The following ARHGAP32 variants were observed in gnomAD, a reference collection of about 807,000 sequenced individuals.
ARHGAP32 encodes the protein rho GTPase-activating protein 32.
In ARHGAP32, 51 loss-of-function variants were observed where a neutral mutation model predicts 186.5. The observed-to-expected ratio is 0.27, with a 90% CI of 0.22 to 0.35. The LOEUF (loss-of-function observed/expected upper bound fraction) is 0.35, where lower values mean the gene tolerates loss of function less well. Among genes scored for constraint, ARHGAP32 ranks in the 10% least tolerant of loss-of-function variants. The pLI is 1.00. For synonymous variants in ARHGAP32, 950 were observed against 964.3 expected, an observed-to-expected ratio of 0.99 and a Z score of 0.27; for missense variants, 2,186 against 2,623.5, an observed-to-expected ratio of 0.83 and a Z score of 3.64.
chr11:129,226,164 C>A (rs749463358), intron 1 of ARHGAP32, among the ~76,000 whole-genome samples: 26 of 152,146 alleles, frequency 1.7e-4, no homozygotes, highest in Admixed American at 2.6e-4. Context: ...AGGACACCAT[C>A]AAGCACACTT....
At chr11:129,229,739 TTCACTTGCA>T (rs1944833472) in intron 1 of ARHGAP32, among the ~76,000 whole-genome samples, 1 of 152,186 alleles carries the variant, frequency 6.6e-6, no homozygotes, top group East Asian at 1.9e-4. Flanking sequence ...CTTAAGGATT[TTCACTTGCA>T]TCACTTTTGG....
chr11:129,018,706 A>C (rs1391970499), intron 11 of ARHGAP32, among the ~76,000 whole-genome samples: 2 of 152,154 alleles, frequency 1.3e-5, no homozygotes, highest in Non-Finnish European at 2.9e-5. Context: ...AAATAACTGG[A>C]CTCAAATTAA....
chr11:129,194,142 T>A (rs764397104), upstream of ARHGAP32, among the ~76,000 whole-genome samples: 1 of 152,130 alleles, frequency 6.6e-6, no homozygotes, highest in Non-Finnish European at 1.5e-5. Context: ...AACATGCCTG[T>A]CAGTGGGAGT....
chr11:129,278,651 G>C (rs1004274554), intron 1 of ARHGAP32, among the ~76,000 whole-genome samples: 2 of 152,074 alleles, frequency 1.3e-5, no homozygotes, highest in African/African-American at 4.8e-5. Context: ...AAGACGAGGG[G>C]GGAACTCCAC....
intron 1 of ARHGAP32, among the ~76,000 whole-genome samples, chr11:129,199,744 C>G (rs1468865552): frequency 1.3e-5 from 2 of 152,248 alleles, no homozygotes; most frequent in Non-Finnish European, 2.9e-5. Context: ...CCCCACTGGG[C>G]ACTGCCTAGT....
chr11:129,236,959 G>A (rs1028950666), intron 1 of ARHGAP32, among the ~76,000 whole-genome samples: 1 of 152,170 alleles, frequency 6.6e-6, no homozygotes, highest in African/African-American at 2.4e-5. Flanking sequence ...TCATCATAAA[G>A]GGATGCTGGA....
In ARHGAP32 at chr11:129,076,344, A is replaced by G. The variant is rs1248582006; in HGVS notation, c.532-9476T>C. Among the ~76,000 whole-genome samples, 7 of 152,268 alleles carry G rather than the reference A, an allele frequency of 4.6e-5. No homozygotes were observed. In the East Asian group the frequency reaches 9.7e-4, roughly 21 times the overall value. On this transcript the variant is annotated intron_variant, in intron 6 of 22. Coordinates refer to ENST00000682385, the MANE Select transcript of ARHGAP32 (RefSeq NM_001378024.1). ...TCTTTATTCCTTTATTTTTCTAATA[A>G]ACTTGCTTTCACGTTATGGGCTCTC...
At chr11:129,144,717 C>A (rs1943132989) in intron 2 of ARHGAP32, among the ~76,000 whole-genome samples, 1 of 152,116 alleles carries the variant, frequency 6.6e-6, no homozygotes, top group Non-Finnish European at 1.5e-5. Context: ...TTATTCAATT[C>A]TCTATTTTGA....
At chr11:129,150,295 T>A (rs1784012) in intron 2 of ARHGAP32, among the ~76,000 whole-genome samples, 43,252 of 151,854 alleles carry the variant, frequency 0.28, 6,490 homozygotes, top group Middle Eastern at 0.4. Flanking sequence ...GATCTAGACA[T>A]CTAAATACAA....
chr11:129,240,066 G>A (rs1289981296), intron 1 of ARHGAP32, among the ~76,000 whole-genome samples: 1 of 151,720 alleles, frequency 6.6e-6, no homozygotes, highest in Non-Finnish European at 1.5e-5. Context: ...TTCTGAGACG[G>A]AGTCTCACTC....
At chr11:129,062,233 A>AG (rs35714464) in intron 10 of ARHGAP32, 47 bp downstream of exon 10, 690,688 of 1,550,656 alleles carry the variant, frequency 0.45, 157,041 homozygotes, top group Middle Eastern at 0.52. Flanking sequence ...TGAATCATAA[A>AG]AAAACTTTCC....
intron 10 of ARHGAP32, among the ~76,000 whole-genome samples, chr11:129,050,282 T>C (rs1403690507): frequency 6.6e-6 from 1 of 152,264 alleles, no homozygotes; most frequent in African/African-American, 2.4e-5. Flanking sequence ...GATATCTATG[T>C]ATTAATTTGC....
At chr11:129,220,720 A>T (rs1944701047) in intron 1 of ARHGAP32, among the ~76,000 whole-genome samples, 2 of 152,224 alleles carry the variant, frequency 1.3e-5, no homozygotes, top group African/African-American at 4.8e-5. Flanking sequence ...TAAGACTCAG[A>T]AAGCCGCACT....
chr11:129,169,631 C>CAAAAAAAAAAAAAAAAAAAAAAAAA (rs35715241), intron 1 of ARHGAP32, among the ~76,000 whole-genome samples: 1 of 75,150 alleles, frequency 1.3e-5, no homozygotes, highest in Non-Finnish European at 2.4e-5. Context: ...GACTCTGTCT[C>CAAAAAAAAAAAAAAAAAAAAAAAAA]AAAAAAAAAA....
At chr11:129,142,732 C>A (rs1591647511) in intron 2 of ARHGAP32, among the ~76,000 whole-genome samples, 3 of 149,882 alleles carry the variant, frequency 2.0e-5, no homozygotes, top group East Asian at 2.0e-4. Context: ...AAAAAAAAAA[C>A]CACTAAAATA....
intron 1 of ARHGAP32, among the ~76,000 whole-genome samples, chr11:129,274,637 C>T: frequency 6.6e-6 from 1 of 151,938 alleles, no homozygotes; most frequent in South Asian, 2.1e-4. Flanking sequence ...GTTAATAAAC[C>T]AGCATTTGAA....
chr11:128,994,487 G>A (rs1164812642), intron 12 of ARHGAP32, among the ~76,000 whole-genome samples: 2 of 152,016 alleles, frequency 1.3e-5, no homozygotes, highest in East Asian at 3.9e-4. Flanking sequence ...ATCTAAGCAA[G>A]GTTTAACATG....
At chr11:129,076,062 T>C (rs1020109613) in intron 6 of ARHGAP32, among the ~76,000 whole-genome samples, 1 of 152,190 alleles carries the variant, frequency 6.6e-6, no homozygotes, top group African/African-American at 2.4e-5. Flanking sequence ...CTGCTCATTA[T>C]ACACTAATTA....
chr11:129,253,251 C>T (rs931051504), intron 1 of ARHGAP32, among the ~76,000 whole-genome samples: 7 of 152,102 alleles, frequency 4.6e-5, no homozygotes, highest in African/African-American at 1.2e-4. Flanking sequence ...TTTAAGTAGA[C>T]AAATTATGTC....
Sources: gnomAD v4.1 joint callset for allele counts (sites outside exome capture counted in the v4.1 genomes callset) on GRCh38, gnomAD v4.1.1 for gene constraint, MANE v1.5 for transcripts, NCBI Gene and HGNC (gene_info 2026-07-23, HGNC 2026-07-21) for gene names.